DNAH2: variants seen among roughly 807,000 people sequenced by gnomAD.
DNAH2 encodes dynein axonemal heavy chain 2, also known as axonemal beta dynein heavy chain 2.
A neutral mutation model predicts 523.5 loss-of-function variants in DNAH2; 323 were observed. The observed-to-expected ratio is 0.62, with a 90% CI of 0.56 to 0.68. DNAH2 has a LOEUF of 0.68. Among genes scored for constraint, DNAH2 ranks in the 30% least tolerant of loss-of-function variants. DNAH2 has a pLI of 0.00. For synonymous variants in DNAH2, 2,093 were observed against 2,177.4 expected (o/e 0.96, Z 1.08); for missense variants, 4,907 against 5,701.5 (o/e 0.86, Z 4.49).
chr17:7,830,158 A>G (rs1380859175), intron 77 of DNAH2, 142 bp from the exon 78 acceptor site: 13 of 813,766 alleles, frequency 1.6e-5, no homozygotes, highest in Non-Finnish European at 3.8e-6. Flanking sequence ...CATGTAGATC[A>G]ACGGCTACAT....
chr17:7,763,222 G>A (rs765882691), intron 18 of DNAH2, among the ~76,000 whole-genome samples: 3 of 151,448 alleles, frequency 2.0e-5, no homozygotes, highest in South Asian at 2.1e-4. Context: ...GCAGTGGCGC[G>A]ATCTCGGCTT....
At chr17:7,725,332 C>T (rs1030135539) in intron 3 of DNAH2, among the ~76,000 whole-genome samples, 2 of 150,566 alleles carry the variant, frequency 1.3e-5, no homozygotes, top group African/African-American at 2.4e-5. Flanking sequence ...TCTGGTGATC[C>T]GCCTACCTCG....
At chr17:7,724,543 C>A (rs1020508387) in intron 3 of DNAH2, among the ~76,000 whole-genome samples, 1 of 151,842 alleles carries the variant, frequency 6.6e-6, no homozygotes, top group African/African-American at 2.4e-5. Context: ...TGCTTGAACC[C>A]GAGGGCAGAG....
At chr17:7,816,447 C>T (rs958617817) in intron 63 of DNAH2, 124 bp from the exon 64 acceptor site, 2 of 1,137,988 alleles carry the variant, frequency 1.8e-6, no homozygotes, top group African/African-American at 3.1e-5. Context: ...GGAAACTAGG[C>T]TCAAAGAGAT....
At position 7,798,573 on chromosome 17, in the gene DNAH2, A is replaced by G; in HGVS notation, c.8414A>G (p.Tyr2805Cys). The change falls in exon 55 of 86, where the codon TAT becomes TGT. Residue 2805 changes from tyrosine to cysteine, a missense_variant. Tyr to Cys is a radical substitution (Grantham distance 194). Transcript: ENST00000572933. This position sits in a 1 kb window ranked among gnomAD's most constrained non-coding sequence, Gnocchi z 5.5. Reference protein sequence around the residue: ...QEFRDDIKRLYRQAGVELKTT... With the variant: ...QEFRDDIKRLCRQAGVELKTT... ...CCCCGGCCAGATATCAAGCGTCTGTATCGCCAGGCTGGGGTGGAGCTCAAG... is the reference window on the plus strand; with the variant it reads ...CCCCGGCCAGATATCAAGCGTCTGTGTCGCCAGGCTGGGGTGGAGCTCAAG... The G allele has an allele frequency of 6.2e-7, 1 of 1,614,092 alleles. No individual in the cohort carries two copies. The highest frequency in any genetic ancestry group is 8.5e-7 in the Non-Finnish European group (1 of 1,180,024).
chr17:7,823,468 C>T lies in DNAH2; in HGVS notation c.11169C>T (p.Asp3723=), dbSNP rs775329567. The change falls in exon 74 of 86, where the codon GAC becomes GAT. Residue 3723 remains aspartate, a synonymous_variant. Transcript: ENST00000572933. The part of the protein sequence containing the change: ...GVVLDREGQM[D]NPCSSWLADA... The stretch of plus-strand genomic sequence containing the variant: ...TCTTGGATCGGGAGGGCCAAATGGA[C>T]AATCCATGTAGTAGCTGGCTTGCAG... The T allele has an allele frequency of 3.1e-6, 5 of 1,613,992 alleles. No individual in the cohort carries two copies. The highest frequency in any genetic ancestry group is 4.2e-6 in the Non-Finnish European group (5 of 1,179,994).
intron 77 of DNAH2, among the ~76,000 whole-genome samples, chr17:7,827,091 A>G (rs1225964020): frequency 6.6e-6 from 1 of 152,010 alleles, no homozygotes. Flanking sequence ...TTCATTCAAC[A>G]TTATGTGCTT....
intron 1 of DNAH2, among the ~76,000 whole-genome samples, chr17:7,719,285 T>G (rs550718658): frequency 3.3e-5 from 5 of 151,968 alleles, no homozygotes; most frequent in South Asian, 4.2e-4. Flanking sequence ...GCACCACCAC[T>G]CCTGGCTAAT....
intron 8 of DNAH2, chr17:7,738,107 C>A (rs2075195546): frequency 1.4e-6 from 1 of 703,392 alleles, no homozygotes; most frequent in Non-Finnish European, 2.6e-6. Flanking sequence ...ACAGGCTGTG[C>A]AGATGCACAT....
In DNAH2 at chr17:7,805,261, T is replaced by G; in HGVS notation, c.9310T>G (p.Ser3104Ala). 1 of 1,613,824 alleles carries G rather than the reference T, an allele frequency of 6.2e-7. No individual in the cohort carries two copies. Among genetic ancestry groups the G allele is most frequent in the Non-Finnish European group, 8.5e-7 (1 of 1,179,942 alleles). ...ALEEAMRALE[S>A]LNKKDIGEIK... Reference sequence around the variant, plus strand: ...TCCCCTTTTCCCCCAGGCCCTGGAGTCTCTGAACAAGAAGGATATAGGAGA... The same window carrying G: ...TCCCCTTTTCCCCCAGGCCCTGGAGGCTCTGAACAAGAAGGATATAGGAGA... Residue 3104 changes from serine (S) to alanine (A), a missense_variant, in exon 61 of 86, where the codon TCT becomes GCT. Physicochemically the swap from Ser to Ala is moderately conservative, Grantham distance 99. Coordinates refer to ENST00000572933, the MANE Select transcript of DNAH2 (RefSeq NM_020877.5).
chr17:7,759,218 T>A (rs2075935229), intron 15 of DNAH2, 94 bp downstream of exon 15: 1 of 1,551,040 alleles, frequency 6.4e-7, no homozygotes. Context: ...CTTTTTTCTT[T>A]TTTACCAGTG....
At chr17:7,722,327 A>G (rs550078881) in intron 2 of DNAH2, among the ~76,000 whole-genome samples, 1 of 152,270 alleles carries the variant, frequency 6.6e-6, no homozygotes, top group African/African-American at 2.4e-5. Flanking sequence ...TTTACATTAA[A>G]TTGACAGAGA....
intron 21 of DNAH2, 135 bp from the exon 22 acceptor site, chr17:7,766,183 T>C (rs1387916178): frequency 3.4e-6 from 3 of 894,406 alleles, no homozygotes; most frequent in Non-Finnish European, 5.1e-6. Context: ...TTCAACGCGT[T>C]CCCTCTTACT....
chr17:7,813,630 A>G lies in DNAH2; in HGVS notation c.9730-2941A>G, dbSNP rs1172183208. Among the ~76,000 whole-genome samples the G allele has an allele frequency of 2.6e-5, 4 of 152,326 alleles. No individual in the cohort carries two copies. The East Asian group carries it at 7.7e-4, about 29-fold the overall frequency. ...GATTAAAAATTCATTTATTCTGGCC[A>G]GGCCCAGTGGCTCATGCCTGTAATT... On this transcript the variant is annotated intron_variant, in intron 63 of 85. Coordinates refer to ENST00000572933, the MANE Select transcript of DNAH2 (RefSeq NM_020877.5).
chr17:7,740,602 G>T (rs1262263162), intron 10 of DNAH2, 53 bp downstream of exon 10: 5 of 1,601,628 alleles, frequency 3.1e-6, no homozygotes, highest in Non-Finnish European at 4.3e-6. Context: ...CTTTCCTGGA[G>T]TCCCTCCTTC....
At chr17:7,793,518 CTCTT>C (rs1280885467) in intron 48 of DNAH2, among the ~76,000 whole-genome samples, 1 of 75,198 alleles carries the variant, frequency 1.3e-5, no homozygotes, top group African/African-American at 4.3e-5. Flanking sequence ...TTTCTTTCTT[CTCTT>C]TCTCTTTCTT....
chr17:7,830,466 A>G lies in DNAH2; in HGVS notation c.12020A>G (p.Tyr4007Cys), dbSNP rs1465058047. Residue 4007 changes from tyrosine to cysteine, a missense_variant, in exon 78 of 86, where the codon TAT becomes TGT. Tyr to Cys is a radical substitution (Grantham distance 194). Coordinates refer to ENST00000572933, the MANE Select transcript of DNAH2 (RefSeq NM_020877.5). Reference sequence around the variant, plus strand: ...CTGCAGCTTGGCTGGAACATCATCTATGGCTTCAATGACTCCGACTTTGAG... The same window carrying G: ...CTGCAGCTTGGCTGGAACATCATCTGTGGCTTCAATGACTCCGACTTTGAG... ...KFLQLGWNII[Y>C]GFNDSDFEVS... is the part of the protein sequence containing the mutation. 3.1e-6 allele frequency: 5 copies of G among 1,614,016 alleles called. No homozygotes were observed. In the African/African-American group the frequency reaches 4.0e-5, roughly 13 times the overall value.
rs1359912307 is a variant in DNAH2 at position 7,780,825 on chromosome 17, C to T, written c.6003+43C>T. 4 of 1,612,940 alleles carry T rather than the reference C, an allele frequency of 2.5e-6. No individual in the cohort carries two copies. Among genetic ancestry groups the T allele is most frequent in the Non-Finnish European group, 2.5e-6 (3 of 1,179,522 alleles). On this transcript the variant is annotated intron_variant, in intron 38 of 85. Transcript: ENST00000572933. This position sits in a 1 kb window ranked among gnomAD's most constrained non-coding sequence, Gnocchi z 4.4. ...CCTTTGGACCTGACTTCCACTGTCA[C>T]TGGACCTATGTCACTTCTCTCAAGT... is the stretch of plus-strand genomic sequence containing the variant.
Position 7,823,829 on chromosome 17 carries a change from C to A in DNAH2, c.11330-5C>A. The A allele has an allele frequency of 6.2e-7, 1 of 1,613,858 alleles. No individual in the cohort carries two copies. Among genetic ancestry groups the A allele is most frequent in the South Asian group, 1.1e-5 (1 of 91,062 alleles). On this transcript the variant is annotated splice_region_variant and splice_polypyrimidine_tract_variant and intron_variant, in intron 74 of 85. Transcript: ENST00000572933. ...TCTCCCTGCAATGACTCACCTCATC[C>A]CCAGGTGAGTGGGAAAATGCCTGCA...
Sources: gnomAD v4.1 joint callset for allele counts (sites outside exome capture counted in the v4.1 genomes callset) on GRCh38, gnomAD v4.1.1 for gene constraint, Gnocchi (gnomAD v3.1) non-coding constraint, MANE v1.5 for transcripts, NCBI Gene and HGNC (gene_info 2026-07-23, HGNC 2026-07-21) for gene names.